LRRC4C: variants seen among roughly 807,000 people sequenced by gnomAD.
LRRC4C encodes the protein leucine-rich repeat-containing protein 4C.
LRRC4C carries 5 observed loss-of-function variants against 33.6 expected under a neutral mutation model. The observed-to-expected ratio is 0.15, with a 90% confidence interval of 0.08 to 0.31. The LOEUF (loss-of-function observed/expected upper bound fraction) is 0.31, where lower values mean the gene tolerates loss of function less well. Among genes scored for constraint, LRRC4C ranks in the 10% least tolerant of loss-of-function variants. LRRC4C has a pLI of 1.00. For missense variants in LRRC4C, 560 were observed against 796.7 expected (o/e 0.70, Z 3.58); for synonymous variants, 329 against 302.0 (o/e 1.09, Z -0.93).
chr11:40,763,091 A>ATG (rs1949299126), intron 2 of LRRC4C, among the ~76,000 whole-genome samples: 1 of 149,116 alleles, frequency 6.7e-6, no homozygotes, highest in Non-Finnish European at 1.5e-5. Context: ...ACACATATAT[A>ATG]TGTATATATA....
At chr11:41,178,645 C>T (rs535895081) in intron 1 of LRRC4C, among the ~76,000 whole-genome samples, 67 of 152,270 alleles carry the variant, frequency 4.4e-4, no homozygotes, top group African/African-American at 1.6e-3. Context: ...GCATGAACCA[C>T]GTTGCCTAGC....
At chr11:40,392,938 G>C (rs560688624) in intron 3 of LRRC4C, among the ~76,000 whole-genome samples, 1 of 151,986 alleles carries the variant, frequency 6.6e-6, no homozygotes, top group Non-Finnish European at 1.5e-5. Flanking sequence ...TCTTGTCTTG[G>C]AGGATCCAGC....
At chr11:40,792,136 T>C (rs1202709980) in intron 2 of LRRC4C, among the ~76,000 whole-genome samples, 1 of 152,162 alleles carries the variant, frequency 6.6e-6, no homozygotes, top group African/African-American at 2.4e-5. Flanking sequence ...CCAAAGACAT[T>C]ATAGACTTTA....
chr11:40,359,464 A>G (rs1947847906), intron 3 of LRRC4C, among the ~76,000 whole-genome samples: 1 of 152,166 alleles, frequency 6.6e-6, no homozygotes, highest in African/African-American at 2.4e-5. Flanking sequence ...CCTCAATGTT[A>G]ATTTCACTGC....
chr11:40,591,759 C>T (rs1959069307), intron 3 of LRRC4C, among the ~76,000 whole-genome samples: 1 of 152,150 alleles, frequency 6.6e-6, no homozygotes, highest in Non-Finnish European at 1.5e-5. Flanking sequence ...GATTTAGAAG[C>T]ATAAACAAAA....
At chr11:40,823,317 G>GA (rs1017466727) in intron 2 of LRRC4C, among the ~76,000 whole-genome samples, 1 of 151,406 alleles carries the variant, frequency 6.6e-6, no homozygotes, top group South Asian at 2.1e-4. Context: ...ATCAATGAGA[G>GA]AAAAAAATAA....
chr11:40,419,696 T>G (rs1461826664), intron 3 of LRRC4C, among the ~76,000 whole-genome samples: 1 of 152,190 alleles, frequency 6.6e-6, no homozygotes, highest in African/African-American at 2.4e-5. Context: ...GAGGGAAACT[T>G]TGCTTTTCAC....
intron 1 of LRRC4C, among the ~76,000 whole-genome samples, chr11:41,076,473 G>C (rs1174551988): frequency 6.6e-6 from 1 of 152,204 alleles, no homozygotes; most frequent in African/African-American, 2.4e-5. Flanking sequence ...ACATGGTGGA[G>C]CAGGAGAGCG....
chr11:40,461,591 A>G (rs544106418), intron 3 of LRRC4C, among the ~76,000 whole-genome samples: 6 of 151,660 alleles, frequency 4.0e-5, no homozygotes, highest in South Asian at 4.1e-4. Flanking sequence ...TGATAACTCA[A>G]TGAAATAACC....
intron 5 of LRRC4C, among the ~76,000 whole-genome samples, chr11:40,204,137 C>T (rs928065620): frequency 7.2e-5 from 11 of 152,184 alleles, no homozygotes; most frequent in Non-Finnish European, 1.5e-4. Flanking sequence ...ATGTTACTTA[C>T]CCAGGCTGGT....
intron 6 of LRRC4C, among the ~76,000 whole-genome samples, chr11:40,122,742 A>T (rs1756317058): frequency 6.6e-6 from 1 of 151,470 alleles, no homozygotes; most frequent in African/African-American, 2.4e-5. Context: ...TTGAATCTCA[A>T]ACAATATCTT....
chr11:41,299,997 A>T (rs919539997), intron 1 of LRRC4C, among the ~76,000 whole-genome samples: 1 of 152,174 alleles, frequency 6.6e-6, no homozygotes, highest in East Asian at 1.9e-4. Flanking sequence ...TTCCAAGAAC[A>T]TCATGAGTAT....
At chr11:40,733,133 T>A (rs1238426633) in intron 2 of LRRC4C, among the ~76,000 whole-genome samples, 6 of 123,218 alleles carry the variant, frequency 4.9e-5, no homozygotes, top group Non-Finnish European at 8.0e-5. Context: ...TGGAGTAGCG[T>A]GGCGAGATCT....
At chr11:40,380,971 G>A (rs1948840920) in intron 3 of LRRC4C, among the ~76,000 whole-genome samples, 1 of 152,150 alleles carries the variant, frequency 6.6e-6, no homozygotes, top group Non-Finnish European at 1.5e-5. Flanking sequence ...GTCTCTGTGT[G>A]TGCATGTGTG....
At chr11:41,342,844 A>C (rs12284191) in intron 1 of LRRC4C, among the ~76,000 whole-genome samples, 2,766 of 152,300 alleles carry the variant, frequency 0.018, 83 homozygotes, top group African/African-American at 0.061. Context: ...GGTGACTTAA[A>C]ATAACAGTAA....
At chr11:40,519,829 C>A (rs976127884) in intron 3 of LRRC4C, among the ~76,000 whole-genome samples, 1 of 152,142 alleles carries the variant, frequency 6.6e-6, no homozygotes. Context: ...AAGGGCAAAG[C>A]GAAGCAGCAA....
chr11:41,104,639 G>A (rs1271271581), intron 1 of LRRC4C, among the ~76,000 whole-genome samples: 1 of 151,798 alleles, frequency 6.6e-6, no homozygotes, highest in Admixed American at 6.6e-5. Flanking sequence ...ATGAAAACAT[G>A]TCCACACAAA....
At chr11:41,037,574 T>TCTCACACACACACACA (rs749499572) in intron 1 of LRRC4C, among the ~76,000 whole-genome samples, 3 of 148,964 alleles carry the variant, frequency 2.0e-5, no homozygotes, top group South Asian at 4.3e-4. Context: ...TCTTTTCCTT[T>TCTCACACACACACACA]CACACACACA....
At chr11:41,265,923 C>T (rs1053089450) in intron 1 of LRRC4C, among the ~76,000 whole-genome samples, 5 of 151,546 alleles carry the variant, frequency 3.3e-5, no homozygotes, top group African/African-American at 1.2e-4. Context: ...AGTTCTCCAA[C>T]ATAACTCTCA....
Sources: gnomAD v4.1 joint callset for allele counts (sites outside exome capture counted in the v4.1 genomes callset) on GRCh38, gnomAD v4.1.1 for gene constraint, MANE v1.5 for transcripts, NCBI Gene and HGNC (gene_info 2026-07-23, HGNC 2026-07-21) for gene names.